UBTD1: variants seen among roughly 807,000 people sequenced by gnomAD.
UBTD1 encodes the protein ubiquitin domain-containing protein 1.
UBTD1 carries 19 observed loss-of-function variants against 21.7 expected under a neutral mutation model. The ratio of observed to expected loss-of-function variants is 0.87; its 90% CI spans 0.61 to 1.28. The LOEUF (loss-of-function observed/expected upper bound fraction) is 1.28, where lower values mean the gene tolerates loss of function less well. Ranked by LOEUF, UBTD1 falls within the 50% of genes most tolerant of loss-of-function variation. The pLI is 0.00. For missense variants in UBTD1, 282 were observed against 315.1 expected (o/e 0.89, Z 0.80); for synonymous variants, 116 against 135.1 (o/e 0.86, Z 0.98).
intron 1 of UBTD1, among the ~76,000 whole-genome samples, chr10:97,534,575 G>GCACACACA (rs1220230746): frequency 2.1e-5 from 1 of 46,932 alleles, no homozygotes; most frequent in African/African-American, 4.1e-5. Context: ...ACACACGCGC[G>GCACACACA]CGCGCACACA....
At chr10:97,503,995 G>A (rs2040388299) in intron 1 of UBTD1, among the ~76,000 whole-genome samples, 1 of 151,964 alleles carries the variant, frequency 6.6e-6, no homozygotes. Flanking sequence ...TCCCATCCCT[G>A]TACCTCCCAA....
rs573927695 is a variant in UBTD1, at chr10:97,542,177, G to GCCAGGCCCACCAC, written c.71-25728_71-25716dup. Reference sequence around the variant, plus strand: ...GGGTCAGGCTGAGAGTGGTGCCCCAGCCAGGCCCACCACCCAGGCCCTGCA... The same window carrying GCCAGGCCCACCAC: ...GGGTCAGGCTGAGAGTGGTGCCCCAGCCAGGCCCACCACCCAGGCCCACCACCCAGGCCCTGCA... On this transcript the variant is annotated intron_variant, in intron 1 of 2. Coordinates refer to ENST00000370664, the MANE Select transcript of UBTD1 (RefSeq NM_024954.5). Among the ~76,000 whole-genome samples the GCCAGGCCCACCAC allele has an allele frequency of 2.6e-3, 389 of 152,304 alleles. 1 individual carries two copies. Among genetic ancestry groups the GCCAGGCCCACCAC allele is most frequent in the Non-Finnish European group, 4.6e-3 (313 of 68,020 alleles).
At chr10:97,528,049 C>T (rs1466125463) in intron 1 of UBTD1, among the ~76,000 whole-genome samples, 2,378 of 146,284 alleles carry the variant, frequency 0.016, 78 homozygotes, top group African/African-American at 0.057. Context: ...CCTCACCTCC[C>T]GGACGGGGCG....
chr10:97,565,729 A>G (rs1029574307), intron 1 of UBTD1, among the ~76,000 whole-genome samples: 9 of 152,126 alleles, frequency 5.9e-5, no homozygotes, highest in African/African-American at 2.2e-4. Flanking sequence ...TTTTTGAGAC[A>G]GGGTCTCACT....
intron 1 of UBTD1, among the ~76,000 whole-genome samples, chr10:97,550,734 A>AAC (rs147265696): frequency 6.6e-6 from 1 of 152,080 alleles, no homozygotes; most frequent in South Asian, 2.1e-4. Flanking sequence ...GGTGGGAGTA[A>AAC]ACACACACAC....
chr10:97,547,558 GTTTTC>G (rs927679790), intron 1 of UBTD1, among the ~76,000 whole-genome samples: 171 of 152,240 alleles, frequency 1.1e-3, no homozygotes, highest in African/African-American at 4.0e-3. Context: ...TATGGCAGGA[GTTTTC>G]TTTTCTTTTC....
chr10:97,560,124 C>A (rs2040685483), intron 1 of UBTD1, among the ~76,000 whole-genome samples: 1 of 151,926 alleles, frequency 6.6e-6, no homozygotes, highest in Non-Finnish European at 1.5e-5. Flanking sequence ...TGACTTGTTA[C>A]AAACATTTTT....
At chr10:97,562,175 G>A (rs1293849891) in intron 1 of UBTD1, among the ~76,000 whole-genome samples, 3 of 152,112 alleles carry the variant, frequency 2.0e-5, no homozygotes, top group Admixed American at 1.3e-4. Context: ...AGGCTGAGGC[G>A]GGTGGATCAC....
rs567233515 is a variant in UBTD1, at chr10:97,569,807, C to T, written c.299-331C>T. Among the ~76,000 whole-genome samples the T allele has an allele frequency of 2.0e-5, 3 of 151,714 alleles. No homozygotes were observed. In the East Asian group the frequency reaches 5.8e-4, roughly 29 times the overall value. ...TCTCTACAAGAACTGTAAGCCAGGGCAGTGGAGCACACCTGTAGTCTCAGC... is the reference window on the plus strand; with the variant it reads ...TCTCTACAAGAACTGTAAGCCAGGGTAGTGGAGCACACCTGTAGTCTCAGC... On this transcript the variant is annotated intron_variant, in intron 2 of 2. Transcript: ENST00000370664.
At position 97,570,710 on chromosome 10, in the gene UBTD1, G is replaced by A; in HGVS notation, c.*187G>A. 2 of 679,016 alleles carry A rather than the reference G, an allele frequency of 2.9e-6. No individual in the cohort carries two copies. Among genetic ancestry groups the A allele is most frequent in the South Asian group, 2.2e-5 (1 of 45,804 alleles). The allele number at this position is 679,016 out of a possible 1,614,324, so 42.1% of individuals were successfully genotyped here. ...GTTCCCGGTACCCAGGGAGCAGGCA[G>A]CCACACACGGGCCTTGCAACCTTGT... On this transcript the variant is annotated 3_prime_UTR_variant, in exon 3 of 3. Coordinates refer to ENST00000370664, the MANE Select transcript of UBTD1 (RefSeq NM_024954.5). The surrounding 1 kb of genome is among the most constrained non-coding windows in gnomAD (Gnocchi z 6.6).
chr10:97,509,888 T>A (rs1386575481), intron 1 of UBTD1, among the ~76,000 whole-genome samples: 1 of 152,000 alleles, frequency 6.6e-6, no homozygotes, highest in Non-Finnish European at 1.5e-5. Flanking sequence ...CCTGACCTCG[T>A]GATCCACCCA....
chr10:97,512,679 C>T (rs1252405567), intron 1 of UBTD1, among the ~76,000 whole-genome samples: 1 of 152,216 alleles, frequency 6.6e-6, no homozygotes, highest in Non-Finnish European at 1.5e-5. Context: ...CTAGCTGTGT[C>T]CTGCTGTGAC....
rs531606173 is a variant in UBTD1 at position 97,547,775 on chromosome 10, G to A, written c.71-20139G>A. 4.6e-5 allele frequency among the ~76,000 whole-genome samples: 7 copies of A among 152,262 alleles called. No homozygotes were observed. In the South Asian group the frequency reaches 1.4e-3, roughly 32 times the overall value. ...AGATGGGGTTTCACCATGTTGGCCA[G>A]GCTGGTTTTGAACTCCTGACCTCAG... is the stretch of plus-strand genomic sequence containing the variant. On this transcript the variant is annotated intron_variant, in intron 1 of 2. Transcript: ENST00000370664.
rs538298275 is a variant in UBTD1 at position 97,560,443 on chromosome 10, C to CT, written c.71-7464dup. Among the ~76,000 whole-genome samples, 173 of 152,230 alleles carry CT rather than the reference C, an allele frequency of 1.1e-3. 1 individual carries two copies. Among genetic ancestry groups the CT allele is most frequent in the African/African-American group, 3.9e-3 (162 of 41,508 alleles). ...TTAACTTAGAATTGGTATAGATGGCCTTTTTTTCTCTCTGCTGGTCTTTAC... is the reference window on the plus strand; with the variant it reads ...TTAACTTAGAATTGGTATAGATGGCCTTTTTTTTCTCTCTGCTGGTCTTTAC... On this transcript the variant is annotated intron_variant, in intron 1 of 2. Transcript: ENST00000370664.
intron 1 of UBTD1, among the ~76,000 whole-genome samples, chr10:97,507,989 C>T (rs1327452612): frequency 2.6e-5 from 4 of 152,154 alleles, no homozygotes; most frequent in Non-Finnish European, 4.4e-5. Flanking sequence ...TTCCAGCCTG[C>T]GCACTTGGAG....
In UBTD1 at chr10:97,501,625, C is replaced by T. The variant is rs549641439; in HGVS notation, c.70+2352C>T. 1.2e-4 allele frequency among the ~76,000 whole-genome samples: 19 copies of T among 152,256 alleles called. No homozygotes were observed. The South Asian group carries it at 3.1e-3, about 25-fold the overall frequency. On this transcript the variant is annotated intron_variant, in intron 1 of 2. Transcript: ENST00000370664. ...AACAAAACAACAGCAACAACAACAACAAAACACCTTTCTGCATTTTCCCAC... is the reference window on the plus strand; with the variant it reads ...AACAAAACAACAGCAACAACAACAATAAAACACCTTTCTGCATTTTCCCAC...
chr10:97,520,599 C>T (rs2040463041), intron 1 of UBTD1, among the ~76,000 whole-genome samples: 2 of 152,212 alleles, frequency 1.3e-5, no homozygotes, highest in South Asian at 4.1e-4. Flanking sequence ...GTCAGGAAGC[C>T]TTCCCTGAAA....
chr10:97,553,648 T>C (rs2040650842), intron 1 of UBTD1, among the ~76,000 whole-genome samples: 2 of 152,124 alleles, frequency 1.3e-5, no homozygotes, highest in South Asian at 2.1e-4. Flanking sequence ...GACCCACTGA[T>C]GAAGAGAGCC....
At chr10:97,502,956 G>A (rs988119004) in intron 1 of UBTD1, among the ~76,000 whole-genome samples, 2 of 148,364 alleles carry the variant, frequency 1.3e-5, no homozygotes, top group African/African-American at 5.0e-5. Flanking sequence ...TTGTTCTCTC[G>A]CTCAGGCTGG....
Sources: allele counts gnomAD v4.1 joint callset (sites outside exome capture counted in the v4.1 genomes callset), GRCh38; gene constraint gnomAD v4.1.1; non-coding constraint Gnocchi (gnomAD v3.1); transcripts MANE v1.5; gene names NCBI Gene and HGNC (gene_info 2026-07-23, HGNC 2026-07-21).